MYRIP: variants seen among roughly 807,000 people sequenced by gnomAD.
The protein encoded by MYRIP is rab effector MyRIP.
MYRIP carries 49 observed loss-of-function variants against 98.0 expected under a neutral mutation model. The observed-to-expected ratio is 0.50, with a 90% CI of 0.40 to 0.63. The LOEUF is 0.63. Ranked by LOEUF, MYRIP falls within the 30% of genes least tolerant of loss-of-function variation. MYRIP has a pLI of 0.00. For synonymous variants in MYRIP, 404 were observed against 409.5 expected, an observed-to-expected ratio of 0.99 and a Z score of 0.16; for missense variants, 1,004 against 1,058.2, an observed-to-expected ratio of 0.95 and a Z score of 0.71.
At chr3:40,196,689 C>T (rs932087127) in intron 10 of MYRIP, among the ~76,000 whole-genome samples, 9 of 152,094 alleles carry the variant, frequency 5.9e-5, no homozygotes, top group Non-Finnish European at 8.8e-5. Context: ...TTTTTGGAGA[C>T]AAAACTGCAT....
chr3:39,941,769 A>G (rs1944791671), intron 2 of MYRIP, among the ~76,000 whole-genome samples: 1 of 152,064 alleles, frequency 6.6e-6, no homozygotes, highest in Non-Finnish European at 1.5e-5. Flanking sequence ...ATGATTTTTT[A>G]TAACATAAAT....
chr3:39,865,809 C>A (rs1942602664), intron 1 of MYRIP, among the ~76,000 whole-genome samples: 1 of 152,102 alleles, frequency 6.6e-6, no homozygotes, highest in African/African-American at 2.4e-5. Context: ...ACTCAGCAAT[C>A]CCATTATTGG....
chr3:40,042,270 T>A (rs1947552668), intron 2 of MYRIP, among the ~76,000 whole-genome samples: 1 of 114,794 alleles, frequency 8.7e-6, no homozygotes. Flanking sequence ...AGCAAGCATA[T>A]AATAAAGACT....
At chr3:40,054,680 G>A (rs1947849649) in intron 3 of MYRIP, among the ~76,000 whole-genome samples, 1 of 152,050 alleles carries the variant, frequency 6.6e-6, no homozygotes, top group Non-Finnish European at 1.5e-5. Context: ...ACTCTTCCCT[G>A]GGTCTCCAGC....
chr3:39,973,553 T>C (rs149565864), intron 2 of MYRIP, among the ~76,000 whole-genome samples: 2,312 of 152,248 alleles, frequency 0.015, 52 homozygotes, highest in African/African-American at 0.051. Flanking sequence ...CAAGCGGACC[T>C]AGTAGACATC....
At chr3:40,132,866 G>A (rs1439542263) in intron 3 of MYRIP, among the ~76,000 whole-genome samples, 1 of 152,248 alleles carries the variant, frequency 6.6e-6, no homozygotes, top group Non-Finnish European at 1.5e-5. Context: ...TCCAGCTGGG[G>A]CTTGGACTCA....
chr3:39,828,530 C>A (rs1002643759), intron 1 of MYRIP, among the ~76,000 whole-genome samples: 1 of 151,958 alleles, frequency 6.6e-6, no homozygotes, highest in Non-Finnish European at 1.5e-5. Flanking sequence ...TATTTGGTTA[C>A]ATGAGTAAGT....
chr3:39,999,736 T>C, intron 2 of MYRIP, among the ~76,000 whole-genome samples: 1 of 152,172 alleles, frequency 6.6e-6, no homozygotes, highest in Non-Finnish European at 1.5e-5. Context: ...CATATGTTTA[T>C]TGCAGCACTA....
At chr3:40,076,244 G>C (rs1180102505) in intron 3 of MYRIP, among the ~76,000 whole-genome samples, 6 of 152,084 alleles carry the variant, frequency 3.9e-5, no homozygotes, top group African/African-American at 1.4e-4. Flanking sequence ...AAAATGTAGT[G>C]ATTTAAAGAA....
chr3:39,816,272 C>T (rs1023585301), intron 1 of MYRIP, among the ~76,000 whole-genome samples: 27 of 151,954 alleles, frequency 1.8e-4, no homozygotes, highest in African/African-American at 5.3e-4. Context: ...TTAGTAGAGA[C>T]GGGGTTTCAC....
chr3:40,011,482 C>G (rs528011089), intron 2 of MYRIP, among the ~76,000 whole-genome samples: 203 of 152,304 alleles, frequency 1.3e-3, no homozygotes, highest in Non-Finnish European at 2.4e-3. Flanking sequence ...TAATACACAT[C>G]TAACCTTAAC....
At chr3:40,234,429 G>A (rs558142810) in intron 12 of MYRIP, among the ~76,000 whole-genome samples, 35 of 152,298 alleles carry the variant, frequency 2.3e-4, no homozygotes, top group Middle Eastern at 3.4e-3. Context: ...CAAAAGAACT[G>A]GCCCGTCCTA....
At chr3:40,222,371 T>A (rs1239017754) in intron 11 of MYRIP, among the ~76,000 whole-genome samples, 1 of 152,034 alleles carries the variant, frequency 6.6e-6, no homozygotes, top group Non-Finnish European at 1.5e-5. Context: ...AGCACACTGG[T>A]GGGGTGTCTT....
At chr3:40,073,221 GTCT>G (rs1158890034) in intron 3 of MYRIP, among the ~76,000 whole-genome samples, 1 of 152,174 alleles carries the variant, frequency 6.6e-6, no homozygotes, top group Non-Finnish European at 1.5e-5. Context: ...CTGTGTTCCT[GTCT>G]TCTTGGAGGA....
intron 4 of MYRIP, among the ~76,000 whole-genome samples, chr3:40,153,072 T>C (rs1950152646): frequency 2.0e-5 from 3 of 152,042 alleles, no homozygotes; most frequent in Non-Finnish European, 4.4e-5. Flanking sequence ...TGAGCCATGA[T>C]TGTGCCACTG....
In MYRIP at chr3:40,050,462, G is replaced by GA. The variant is rs199951644; in HGVS notation, c.332+6202dup. ...GCCCACTTTTGAGACCTACTGCTCA[G>GA]AAAAAAAAAAAGATTCCTTTCAAAA... On this transcript the variant is annotated intron_variant, in intron 3 of 16. Transcript: ENST00000302541. Among the ~76,000 whole-genome samples the GA allele has an allele frequency of 1.3e-3, 184 of 145,434 alleles. 1 individual carries two copies. The highest frequency in any genetic ancestry group is 5.4e-3 in the South Asian group (25 of 4,614).
intron 3 of MYRIP, among the ~76,000 whole-genome samples, chr3:40,074,681 G>T (rs1291722899): frequency 6.6e-6 from 1 of 152,150 alleles, no homozygotes; most frequent in African/African-American, 2.4e-5. Flanking sequence ...AGAATGAGAA[G>T]ACCAGACCAC....
chr3:40,092,355 A>G (rs1337503379), intron 3 of MYRIP, among the ~76,000 whole-genome samples: 1 of 152,138 alleles, frequency 6.6e-6, no homozygotes, highest in Non-Finnish European at 1.5e-5. Flanking sequence ...ATTGCCAGGA[A>G]GGGCTGGGAA....
chr3:39,927,751 C>T (rs13091174), intron 2 of MYRIP, among the ~76,000 whole-genome samples: 10,659 of 152,056 alleles, frequency 0.07, 398 homozygotes, highest in Middle Eastern at 0.082. Flanking sequence ...AAGAAAACTA[C>T]AGGCCAGTCT....
Sources: gnomAD v4.1 joint callset for allele counts (sites outside exome capture counted in the v4.1 genomes callset) on GRCh38, gnomAD v4.1.1 for gene constraint, MANE v1.5 for transcripts, NCBI Gene and HGNC (gene_info 2026-07-23, HGNC 2026-07-21) for gene names.